The following SLC23A2 variants were observed in gnomAD, a reference collection of about 807,000 sequenced individuals.
SLC23A2 encodes the protein solute carrier family 23 member 2.
A neutral mutation model predicts 73.3 loss-of-function variants in SLC23A2; 36 were observed. That is an observed-to-expected ratio of 0.49 (90% CI 0.38 to 0.65). The LOEUF (loss-of-function observed/expected upper bound fraction) is 0.65. SLC23A2 is among the 30% of genes least tolerant of loss of function. SLC23A2 has a pLI of 0.00. For synonymous variants in SLC23A2, 343 were observed against 327.3 expected, an observed-to-expected ratio of 1.05 and a Z score of -0.52; for missense variants, 507 against 841.6, an observed-to-expected ratio of 0.60 and a Z score of 4.92.
chr20:4,859,264 A>AAAT, intron 16 of SLC23A2, 25 bp downstream of exon 16: 1 of 1,345,092 alleles, frequency 7.4e-7, no homozygotes, highest in South Asian at 1.3e-5. Context: ...AAAAAAAAAA[A>AAAT]GTGTGTTTGA....
At chr20:4,985,026 A>C (rs1165030060) in intron 1 of SLC23A2, among the ~76,000 whole-genome samples, 1 of 151,780 alleles carries the variant, frequency 6.6e-6, no homozygotes, top group Non-Finnish European at 1.5e-5. Context: ...AGTTCCGGCT[A>C]CTTGGGAGGC....
intron 6 of SLC23A2, among the ~76,000 whole-genome samples, chr20:4,886,917 C>G (rs529212624): frequency 3.9e-4 from 59 of 152,168 alleles, no homozygotes; most frequent in Non-Finnish European, 7.5e-4. Flanking sequence ...GTCCTACCCA[C>G]AGTGAAACAG....
Position 4,998,908 on chromosome 20 carries a change from G to A in SLC23A2, c.-282+2498C>T, listed in dbSNP as rs938777752. Among the ~76,000 whole-genome samples, 6 of 151,238 alleles carry A rather than the reference G, an allele frequency of 4.0e-5. No homozygotes were observed. Among genetic ancestry groups the A allele is most frequent in the East Asian group, 1.9e-4 (1 of 5,144 alleles). On this transcript the variant is annotated intron_variant, in intron 1 of 16. Coordinates refer to ENST00000338244, the MANE Select transcript of SLC23A2 (RefSeq NM_005116.6). The surrounding 1 kb of genome is among the most constrained non-coding windows in gnomAD (Gnocchi z 4.1). ...CAAACTCCACCTCCCAGGTTCAAGC[G>A]ATTCTCCTGCCTCAGCCTCCTGAGT...
intron 2 of SLC23A2, among the ~76,000 whole-genome samples, chr20:4,948,022 T>C (rs1815086845): frequency 6.6e-6 from 1 of 152,184 alleles, no homozygotes; most frequent in South Asian, 2.1e-4. Flanking sequence ...CTGGGATGCC[T>C]GCTCCATCCT....
chr20:4,891,606 G>A (rs66847231), intron 6 of SLC23A2, among the ~76,000 whole-genome samples: 9,385 of 152,304 alleles, frequency 0.062, 337 homozygotes, highest in Middle Eastern at 0.088. Context: ...TCAGGTCTGC[G>A]TTGCTACACA....
chr20:4,981,284 G>T (rs991063920), intron 1 of SLC23A2, among the ~76,000 whole-genome samples: 2 of 152,164 alleles, frequency 1.3e-5, no homozygotes, highest in Non-Finnish European at 2.9e-5. Flanking sequence ...GAAAGTGCAC[G>T]AACAGACCTA....
intron 2 of SLC23A2, among the ~76,000 whole-genome samples, chr20:4,955,630 A>T (rs1317903076): frequency 6.6e-6 from 1 of 152,010 alleles, no homozygotes; most frequent in African/African-American, 2.4e-5. Context: ...CTCTACAAAA[A>T]ATACAAAAAA....
At chr20:4,928,954 G>C (rs76585567) in intron 3 of SLC23A2, among the ~76,000 whole-genome samples, 1 of 152,218 alleles carries the variant, frequency 6.6e-6, no homozygotes, top group East Asian at 1.9e-4. Flanking sequence ...ATTTCCGTAC[G>C]CAAGAAACAT....
rs113794272 is a variant in SLC23A2, at chr20:4,859,285, G to A, written c.1720+4C>T. 8.6e-6 allele frequency: 13 copies of A among 1,518,628 alleles called. No homozygotes were observed. The highest frequency in any genetic ancestry group is 3.4e-5 in the South Asian group (3 of 89,144). The allele number at this position is 1,518,628 out of a possible 1,614,324, so 94.1% of individuals were successfully genotyped here. A position where few individuals can be genotyped will look rare whatever the true frequency, so the allele number is the denominator to read the frequency against. Reference sequence around the variant, plus strand: ...AAAAAGTGTGTTTGATATATACCACGTACCTGGGATGGTGTTATCCAGGAT... The same window carrying A: ...AAAAAGTGTGTTTGATATATACCACATACCTGGGATGGTGTTATCCAGGAT... On this transcript the variant is annotated splice_donor_region_variant and intron_variant, in intron 16 of 16. Coordinates refer to ENST00000338244, the MANE Select transcript of SLC23A2 (RefSeq NM_005116.6).
At position 4,883,565 on chromosome 20, in the gene SLC23A2, T is replaced by G; in HGVS notation, c.824+77A>C. On this transcript the variant is annotated intron_variant, in intron 9 of 16. Coordinates refer to ENST00000338244, the MANE Select transcript of SLC23A2 (RefSeq NM_005116.6). The surrounding 1 kb of genome is among the most constrained non-coding windows in gnomAD (Gnocchi z 4.5). ...AGACCATTCTTATTATTGAAAAACA[T>G]TATCTCCTGAAGTCTGTGTGAATGT... 9.9e-7 allele frequency: 1 copy of G among 1,005,186 alleles called. No homozygotes were observed. The highest frequency in any genetic ancestry group is 1.5e-6 in the Non-Finnish European group (1 of 687,788). 62.3% of individuals were successfully genotyped at this position (1,005,186 alleles called of 1,614,324 possible). A position where few individuals can be genotyped will look rare whatever the true frequency, so the allele number is the denominator to read the frequency against.
chr20:4,969,237 G>A (rs936767636), intron 2 of SLC23A2, among the ~76,000 whole-genome samples: 5 of 152,010 alleles, frequency 3.3e-5, no homozygotes, highest in South Asian at 2.1e-4. Context: ...ACAGGTATGC[G>A]CCACCATGCC....
chr20:4,974,273 G>A (rs1418945601), intron 1 of SLC23A2, among the ~76,000 whole-genome samples: 1 of 152,090 alleles, frequency 6.6e-6, no homozygotes, highest in African/African-American at 2.4e-5. Context: ...GAGTTGGTCA[G>A]CCTGACCAAC....
At position 4,869,925 on chromosome 20, in the gene SLC23A2, G is replaced by C. The variant is rs149003302; in HGVS notation, c.1231C>G (p.Pro411Ala). ...ACGTACCTGTTTATTGCGTGGATGG[G>C]GGGGGGTGGGGCACAGGACAGCCGT... is the stretch of plus-strand genomic sequence containing the variant. ...CARLSCAPPP[P>A]IHAINRGIFV... is the part of the protein sequence containing the mutation. The change falls in exon 12 of 17, where the codon CCC (proline) becomes GCC (alanine). Residue 411 changes from proline to alanine, a missense_variant. Coordinates refer to ENST00000338244, the MANE Select transcript of SLC23A2 (RefSeq NM_005116.6). The C allele has an allele frequency of 2.7e-5, 44 of 1,606,152 alleles. No homozygotes were observed. Among genetic ancestry groups the C allele is most frequent in the African/African-American group, 6.7e-5 (5 of 74,694 alleles).
chr20:4,905,192 A>G (rs540382383), intron 4 of SLC23A2, among the ~76,000 whole-genome samples: 1 of 151,928 alleles, frequency 6.6e-6, no homozygotes, highest in South Asian at 2.1e-4. Flanking sequence ...GCATGTATGC[A>G]CATGCACACA....
Position 4,986,689 on chromosome 20 carries a change from C to CACACACACACACACAGAG in SLC23A2, c.-282+14716_-282+14717insCTCTGTGTGTGTGTGTGT, listed in dbSNP as rs71197739. Among the ~76,000 whole-genome samples, 224 of 129,858 alleles carry CACACACACACACACAGAG rather than the reference C, an allele frequency of 1.7e-3. No homozygotes were observed. The East Asian group carries it at 0.019, about 11-fold the overall frequency. 85.2% of individuals were successfully genotyped at this position (129,858 alleles called of 152,430 possible). A position where few individuals can be genotyped will look rare whatever the true frequency, so the allele number is the denominator to read the frequency against. On this transcript the variant is annotated intron_variant, in intron 1 of 16. Transcript: ENST00000338244. ...ACACACACACACACACACACACACA[C>CACACACACACACACAGAG]AGAGATGAATATAAATAGAGAGAAG...
chr20:4,932,407 A>C, intron 3 of SLC23A2, 48 bp downstream of exon 3: 1 of 1,074,018 alleles, frequency 9.3e-7, no homozygotes, highest in Non-Finnish European at 1.5e-6. Flanking sequence ...TTCCATACGG[A>C]AACTACTTTC....
chr20:4,996,561 C>A (rs1345859781), intron 1 of SLC23A2, among the ~76,000 whole-genome samples: 1 of 151,750 alleles, frequency 6.6e-6, no homozygotes, highest in East Asian at 1.9e-4. Flanking sequence ...TGGTATGCAC[C>A]CATAATCCCA....
At chr20:4,968,403 T>C (rs1248801217) in intron 2 of SLC23A2, among the ~76,000 whole-genome samples, 2 of 152,156 alleles carry the variant, frequency 1.3e-5, no homozygotes, top group Non-Finnish European at 2.9e-5. Context: ...GGAGTCAAAG[T>C]AGCCTTGAAA....
rs1301067133 is a variant in SLC23A2, at chr20:4,952,262, A to G, written c.-155+18531T>C. On this transcript the variant is annotated intron_variant, in intron 2 of 16. Coordinates refer to ENST00000338244, the MANE Select transcript of SLC23A2 (RefSeq NM_005116.6). ...CATGCAAAATCATATACTTGGACACATCCTAGCAAAATAATTTAACCACAG... is the reference window on the plus strand; with the variant it reads ...CATGCAAAATCATATACTTGGACACGTCCTAGCAAAATAATTTAACCACAG... Among the ~76,000 whole-genome samples, 4 of 152,174 alleles carry G rather than the reference A, an allele frequency of 2.6e-5. No homozygotes were observed. The East Asian group carries it at 7.7e-4, about 29-fold the overall frequency.
Sources: allele counts gnomAD v4.1 joint callset (sites outside exome capture counted in the v4.1 genomes callset), GRCh38; gene constraint gnomAD v4.1.1; non-coding constraint Gnocchi (gnomAD v3.1); transcripts MANE v1.5; gene names NCBI Gene and HGNC (gene_info 2026-07-23, HGNC 2026-07-21).